PRRX1: variants seen among roughly 807,000 people sequenced by gnomAD.
The protein encoded by PRRX1 is paired mesoderm homeobox protein 1.
PRRX1 carries 8 observed loss-of-function variants against 24.0 expected under a neutral mutation model. That is an observed-to-expected ratio of 0.33 (90% CI 0.20 to 0.60). The LOEUF is 0.60. PRRX1 is among the 20% of genes least tolerant of loss of function. The pLI is 0.82. For missense variants in PRRX1, 281 were observed against 322.4 expected (o/e 0.87, Z 0.98); for synonymous variants, 160 against 131.7 (o/e 1.22, Z -1.47).
chr1:170,699,045 G>A (rs1046085876), intron 1 of PRRX1, among the ~76,000 whole-genome samples: 6 of 152,172 alleles, frequency 3.9e-5, no homozygotes, highest in African/African-American at 1.4e-4. Context: ...GATAAATAGG[G>A]CTTTTAAAGG....
intron 1 of PRRX1, among the ~76,000 whole-genome samples, chr1:170,718,016 G>T (rs894097783): frequency 2.0e-5 from 3 of 152,136 alleles, no homozygotes; most frequent in Non-Finnish European, 2.9e-5. Context: ...CTGAGGTAAG[G>T]CACCACAAGT....
intron 1 of PRRX1, among the ~76,000 whole-genome samples, chr1:170,703,747 T>C (rs1055504175): frequency 6.6e-6 from 1 of 152,190 alleles, no homozygotes; most frequent in Non-Finnish European, 1.5e-5. Flanking sequence ...TCAGGCAAGA[T>C]GAGTGAGTTT....
At position 170,736,331 on chromosome 1, in the gene PRRX1, A is replaced by C; in HGVS notation, c.*145A>C. On this transcript the variant is annotated 3_prime_UTR_variant, in exon 4 of 4. Coordinates refer to ENST00000239461, the MANE Select transcript of PRRX1 (RefSeq NM_022716.4). ...AGAACTAAAATATTGGGACCATGGC[A>C]GAGAAAAGCAGGAGAGGAGCAAAAT... is the stretch of plus-strand genomic sequence containing the variant. 1 of 1,159,912 alleles carries C rather than the reference A, an allele frequency of 8.6e-7. No individual in the cohort carries two copies. Among genetic ancestry groups the C allele is most frequent in the Non-Finnish European group, 1.2e-6 (1 of 814,990 alleles). 71.9% of individuals were successfully genotyped at this position (1,159,912 alleles called of 1,614,324 possible).
upstream of PRRX1, chr1:170,663,909 T>G (rs1413963453): frequency 8.6e-6 from 3 of 346,834 alleles, no homozygotes; most frequent in Admixed American, 8.5e-5. Context: ...GGGTGACTTT[T>G]TAATATTGTA....
At chr1:170,704,490 A>G (rs1297868026) in intron 1 of PRRX1, among the ~76,000 whole-genome samples, 1 of 152,218 alleles carries the variant, frequency 6.6e-6, no homozygotes, top group Non-Finnish European at 1.5e-5. Context: ...ACAAGATGTA[A>G]TTGATTTATT....
At chr1:170,691,313 T>C (rs1437152740) in intron 1 of PRRX1, among the ~76,000 whole-genome samples, 1 of 152,156 alleles carries the variant, frequency 6.6e-6, no homozygotes, top group African/African-American at 2.4e-5. Context: ...TTAGAAACTG[T>C]TGATGGATTT....
chr1:170,680,124 T>A (rs1476756482), intron 1 of PRRX1, among the ~76,000 whole-genome samples: 1 of 152,196 alleles, frequency 6.6e-6, no homozygotes, highest in African/African-American at 2.4e-5. Flanking sequence ...TATCCCCTTT[T>A]AAGGTACGTT....
rs138660535 is a variant in PRRX1, at chr1:170,722,839, G to A, written c.417+2938G>A. ...ATGGGCTTTGATACCCGGACAAAGC[G>A]GGGAAGAATATAATAGGCAAAGGAA... On this transcript the variant is annotated intron_variant, in intron 2 of 3. Coordinates refer to ENST00000239461, the MANE Select transcript of PRRX1 (RefSeq NM_022716.4). 1.3e-3 allele frequency among the ~76,000 whole-genome samples: 202 copies of A among 152,278 alleles called. 1 individual carries two copies. Among genetic ancestry groups the A allele is most frequent in the African/African-American group, 4.6e-3 (191 of 41,556 alleles).
At chr1:170,677,788 C>G (rs1441329571) in intron 1 of PRRX1, among the ~76,000 whole-genome samples, 1 of 152,158 alleles carries the variant, frequency 6.6e-6, no homozygotes, top group Non-Finnish European at 1.5e-5. Context: ...GAAACAATAA[C>G]ACAGATCATT....
chr1:170,723,210 C>A (rs1239784401), intron 2 of PRRX1, among the ~76,000 whole-genome samples: 1 of 152,176 alleles, frequency 6.6e-6, no homozygotes, highest in East Asian at 1.9e-4. Context: ...AGTCCAGATT[C>A]CACCTTGGCC....
chr1:170,695,134 A>C (rs969548703), intron 1 of PRRX1, among the ~76,000 whole-genome samples: 2 of 152,170 alleles, frequency 1.3e-5, no homozygotes, highest in African/African-American at 4.8e-5. Flanking sequence ...TGTTGTTATG[A>C]TTAAATGCAA....
intron 1 of PRRX1, among the ~76,000 whole-genome samples, chr1:170,715,022 T>C (rs745496278): frequency 9.2e-5 from 14 of 152,202 alleles, no homozygotes; most frequent in Non-Finnish European, 1.6e-4. Flanking sequence ...TCATGTATCC[T>C]GCAGCCGCTT....
intron 3 of PRRX1, chr1:170,730,194 C>G: frequency 8.6e-7 from 1 of 1,164,562 alleles, no homozygotes; most frequent in Non-Finnish European, 1.3e-6. Flanking sequence ...TTCTCCTCCC[C>G]TCATTTGATC....
chr1:170,713,111 T>A (rs1014486260), intron 1 of PRRX1, among the ~76,000 whole-genome samples: 1 of 152,182 alleles, frequency 6.6e-6, no homozygotes. Context: ...AAATTATGGA[T>A]TCAGGAATAC....
At chr1:170,724,902 C>G (rs747650266) in intron 2 of PRRX1, among the ~76,000 whole-genome samples, 2 of 152,166 alleles carry the variant, frequency 1.3e-5, no homozygotes, top group African/African-American at 2.4e-5. Context: ...TTGATTCTTC[C>G]TATCCATGAG....
chr1:170,666,951 A>G (rs1571309326), intron 1 of PRRX1, among the ~76,000 whole-genome samples: 1 of 151,930 alleles, frequency 6.6e-6, no homozygotes, highest in Non-Finnish European at 1.5e-5. Flanking sequence ...CTTCTGTGAG[A>G]CCTGAGCCTG....
chr1:170,701,404 G>T (rs1295310977), intron 1 of PRRX1, among the ~76,000 whole-genome samples: 1 of 152,144 alleles, frequency 6.6e-6, no homozygotes, highest in Non-Finnish European at 1.5e-5. Flanking sequence ...TAGGAACTCT[G>T]AATTGTGATT....
chr1:170,738,005 G>A lies in PRRX1; in HGVS notation c.*1819G>A, dbSNP rs1184246314. The A allele has an allele frequency of 4.6e-6, 1 of 217,600 alleles. No individual in the cohort carries two copies. Among genetic ancestry groups the A allele is most frequent in the Non-Finnish European group, 9.3e-6 (1 of 107,964 alleles). 13.5% of individuals were successfully genotyped at this position (217,600 alleles called of 1,614,324 possible). A position where few individuals can be genotyped will look rare whatever the true frequency, so the allele number is the denominator to read the frequency against. ...CCTTGCTGTACATACTTATAACCTTGTATTTGGAAATGAGAAATAGGTTTA... is the reference window on the plus strand; with the variant it reads ...CCTTGCTGTACATACTTATAACCTTATATTTGGAAATGAGAAATAGGTTTA... On this transcript the variant is annotated 3_prime_UTR_variant, in exon 4 of 4. Coordinates refer to ENST00000239461, the MANE Select transcript of PRRX1 (RefSeq NM_022716.4).
intron 1 of PRRX1, among the ~76,000 whole-genome samples, chr1:170,712,541 G>A (rs1654783400): frequency 6.6e-6 from 1 of 152,196 alleles, no homozygotes; most frequent in South Asian, 2.1e-4. Flanking sequence ...TAAAGGTACA[G>A]CAGCAATGGC....
Sources: gnomAD v4.1 joint callset for allele counts (sites outside exome capture counted in the v4.1 genomes callset) on GRCh38, gnomAD v4.1.1 for gene constraint, MANE v1.5 for transcripts, NCBI Gene and HGNC (gene_info 2026-07-23, HGNC 2026-07-21) for gene names.